Variants in PLXNA4 observed in about 807,000 individuals in gnomAD.
The protein encoded by PLXNA4 is plexin-A4.
PLXNA4 carries 44 observed loss-of-function variants against 191.8 expected under a neutral mutation model. The ratio of observed to expected loss-of-function variants is 0.23; its 90% CI spans 0.18 to 0.29. The LOEUF is 0.29. Among genes scored for constraint, PLXNA4 ranks in the 10% least tolerant of loss-of-function variants. PLXNA4 has a pLI of 1.00. For synonymous variants in PLXNA4, 1,082 were observed against 1,009.5 expected, an observed-to-expected ratio of 1.07 and a Z score of -1.36; for missense variants, 1,800 against 2,488.8, an observed-to-expected ratio of 0.72 and a Z score of 5.89.
intron 3 of PLXNA4, among the ~76,000 whole-genome samples, chr7:132,317,401 G>C (rs746337283): frequency 6.6e-6 from 1 of 151,762 alleles, no homozygotes; most frequent in East Asian, 1.9e-4. Flanking sequence ...GATTGGGTTG[G>C]GTTGGGTTGA....
chr7:132,586,214 C>G (rs1260257493), intron 2 of PLXNA4, among the ~76,000 whole-genome samples: 1 of 152,162 alleles, frequency 6.6e-6, no homozygotes, highest in Non-Finnish European at 1.5e-5. Context: ...TAATCCTATT[C>G]AACACATTTA....
At chr7:132,582,561 C>T (rs986045741) in intron 2 of PLXNA4, among the ~76,000 whole-genome samples, 6 of 152,122 alleles carry the variant, frequency 3.9e-5, no homozygotes, top group Non-Finnish European at 7.4e-5. Context: ...TTGGACCTGC[C>T]ATGTGTTGAG....
At chr7:132,370,008 C>T (rs1244355482) in intron 3 of PLXNA4, among the ~76,000 whole-genome samples, 1 of 148,798 alleles carries the variant, frequency 6.7e-6, no homozygotes, top group Non-Finnish European at 1.5e-5. Flanking sequence ...GCAGAGATTG[C>T]AGTGAGCCAA....
intron 1 of PLXNA4, among the ~76,000 whole-genome samples, chr7:132,512,586 G>A (rs111604070): frequency 0.011 from 1,737 of 152,218 alleles, 37 homozygotes; most frequent in African/African-American, 0.039. Context: ...AGAGAGAAAT[G>A]GAAGAGAAAA....
chr7:132,242,590 G>A (rs930406921), intron 4 of PLXNA4, among the ~76,000 whole-genome samples: 1 of 151,956 alleles, frequency 6.6e-6, no homozygotes, highest in East Asian at 1.9e-4. Flanking sequence ...TACACACTGA[G>A]CGTTCTTAAT....
chr7:132,367,254 G>A (rs1051680127), intron 3 of PLXNA4, among the ~76,000 whole-genome samples: 1 of 152,226 alleles, frequency 6.6e-6, no homozygotes, highest in Non-Finnish European at 1.5e-5. Flanking sequence ...GCTGGGCTGT[G>A]GTGGCCACAC....
intron 5 of PLXNA4, among the ~76,000 whole-genome samples, chr7:132,233,865 C>G (rs1798604641): frequency 6.6e-6 from 1 of 152,186 alleles, no homozygotes; most frequent in Admixed American, 6.5e-5. Context: ...TTGAACAAAA[C>G]CTTAGGTGAG....
chr7:132,455,973 G>T (rs926635996), intron 3 of PLXNA4, among the ~76,000 whole-genome samples: 2 of 152,208 alleles, frequency 1.3e-5, no homozygotes, highest in African/African-American at 4.8e-5. Context: ...CAGGATGGAC[G>T]AGAGAAGGTG....
intron 3 of PLXNA4, among the ~76,000 whole-genome samples, chr7:132,379,050 C>T (rs1163891479): frequency 6.6e-6 from 1 of 152,036 alleles, no homozygotes; most frequent in Non-Finnish European, 1.5e-5. Flanking sequence ...GGGGTTTCAC[C>T]ATGTTGGCCA....
intron 3 of PLXNA4, among the ~76,000 whole-genome samples, chr7:132,470,570 C>T (rs917261451): frequency 6.6e-6 from 1 of 152,070 alleles, no homozygotes; most frequent in African/African-American, 2.4e-5. Context: ...CCTAACATGG[C>T]AAAAGGGACT....
intron 3 of PLXNA4, among the ~76,000 whole-genome samples, chr7:132,442,787 C>T (rs758249119): frequency 3.9e-5 from 6 of 152,230 alleles, no homozygotes; most frequent in African/African-American, 1.4e-4. Flanking sequence ...ATCAGCAATA[C>T]CTTCTGGCCC....
rs535550780 is a variant in PLXNA4 at position 132,180,020 on chromosome 7, C to T, written c.3640-99G>A. On this transcript the variant is annotated intron_variant, in intron 19 of 31. Transcript: ENST00000321063. ...TGAACTAGTGACCAGGGCAGGATGACGGAAAGGAGACCAATCACTGGTGTC... is the reference window on the plus strand; with the variant it reads ...TGAACTAGTGACCAGGGCAGGATGATGGAAAGGAGACCAATCACTGGTGTC... 41 of 1,458,952 alleles carry T rather than the reference C, an allele frequency of 2.8e-5. No individual in the cohort carries two copies. The South Asian group carries it at 2.9e-4, about 10-fold the overall frequency. The allele number at this position is 1,458,952 out of a possible 1,614,324, so 90.4% of individuals were successfully genotyped here.
chr7:132,232,881 GCTAT>G (rs1343917168), intron 5 of PLXNA4, among the ~76,000 whole-genome samples: 1 of 152,214 alleles, frequency 6.6e-6, no homozygotes, highest in Non-Finnish European at 1.5e-5. Flanking sequence ...TGGAAACAGG[GCTAT>G]CTGTGAGTCC....
intron 3 of PLXNA4, among the ~76,000 whole-genome samples, chr7:132,416,487 C>T (rs10236002): frequency 0.14 from 21,336 of 152,216 alleles, 3,204 homozygotes; most frequent in African/African-American, 0.36. Flanking sequence ...CCATCCCACC[C>T]AGCCTGTCAT....
chr7:132,287,470 C>T (rs1477456595), intron 4 of PLXNA4, among the ~76,000 whole-genome samples: 2 of 152,100 alleles, frequency 1.3e-5, no homozygotes, highest in Non-Finnish European at 2.9e-5. Context: ...CATAAAAAAC[C>T]AAAGCATGAA....
chr7:132,190,293 A>G (rs1223450557), intron 14 of PLXNA4, among the ~76,000 whole-genome samples: 1 of 152,236 alleles, frequency 6.6e-6, no homozygotes, highest in African/African-American at 2.4e-5. Context: ...CCAGGGTAGG[A>G]ACAATCACAC....
rs957390793 is a variant in PLXNA4, at chr7:132,383,491, A to G, written c.1372-85269T>C. The G allele has an allele frequency of 3.4e-6, 3 of 872,434 alleles. No individual in the cohort carries two copies. In the East Asian group the frequency reaches 3.6e-4, roughly 106 times the overall value. The allele number at this position is 872,434 out of a possible 1,614,324, so 54.0% of individuals were successfully genotyped here. On this transcript the variant is annotated intron_variant, in intron 3 of 31. Coordinates refer to ENST00000321063, the MANE Select transcript of PLXNA4 (RefSeq NM_020911.2). Reference sequence around the variant, plus strand: ...TTTTCCAAGCACAACTACTGTTAGCATTTTGATGGTTCTCTTTCCAGTTTT... The same window carrying G: ...TTTTCCAAGCACAACTACTGTTAGCGTTTTGATGGTTCTCTTTCCAGTTTT...
chr7:132,274,891 A>G (rs1449409072), intron 4 of PLXNA4, among the ~76,000 whole-genome samples: 2 of 151,054 alleles, frequency 1.3e-5, no homozygotes, highest in African/African-American at 4.9e-5. Context: ...TACAGGTGAG[A>G]GCTATAGCAC....
chr7:132,520,714 C>T (rs1799140709), intron 1 of PLXNA4, among the ~76,000 whole-genome samples: 1 of 152,144 alleles, frequency 6.6e-6, no homozygotes, highest in Non-Finnish European at 1.5e-5. Context: ...GATCCTTGGA[C>T]CTCAGCATCT....
Sources: gnomAD v4.1 joint callset for allele counts (sites outside exome capture counted in the v4.1 genomes callset) on GRCh38, gnomAD v4.1.1 for gene constraint, MANE v1.5 for transcripts, NCBI Gene and HGNC (gene_info 2026-07-23, HGNC 2026-07-21) for gene names.